Variants in UBE2E3 observed in about 807,000 individuals in gnomAD.
The protein encoded by UBE2E3 is ubiquitin conjugating enzyme E2 E3, also known as ubiquitin-conjugating enzyme E2 E3.
UBE2E3 carries 5 observed loss-of-function variants against 23.6 expected under a neutral mutation model. That is an observed-to-expected ratio of 0.21 (90% CI 0.11 to 0.44). UBE2E3 has a LOEUF of 0.44. Ranked by LOEUF, UBE2E3 falls within the 20% of genes least tolerant of loss-of-function variation. The probability of loss-of-function intolerance (pLI) is 0.99; values close to 1 mark genes in which losing one functional copy is unlikely to be tolerated. For missense variants in UBE2E3, 81 were observed against 249.8 expected, an observed-to-expected ratio of 0.32 and a Z score of 4.55; for synonymous variants, 78 against 87.5, an observed-to-expected ratio of 0.89 and a Z score of 0.60.
intron 3 of UBE2E3, among the ~76,000 whole-genome samples, chr2:181,055,623 C>G (rs1246966713): frequency 6.6e-6 from 1 of 151,760 alleles, no homozygotes; most frequent in African/African-American, 2.4e-5. Context: ...CATAGCTTCT[C>G]TGCTTAGTCT....
intron 3 of UBE2E3, among the ~76,000 whole-genome samples, chr2:181,041,342 T>C (rs980545066): frequency 1.3e-5 from 2 of 150,510 alleles, no homozygotes; most frequent in Non-Finnish European, 2.9e-5. Flanking sequence ...TGAACAGTAA[T>C]AGAAGCTTAG....
At chr2:181,035,597 C>A (rs1686245275) in intron 3 of UBE2E3, among the ~76,000 whole-genome samples, 1 of 152,158 alleles carries the variant, frequency 6.6e-6, no homozygotes, top group Admixed American at 6.5e-5. Context: ...GCTTGTTCAA[C>A]CCATGACCCG....
At chr2:180,993,543 T>A (rs1684734655) in intron 3 of UBE2E3, among the ~76,000 whole-genome samples, 1 of 152,198 alleles carries the variant, frequency 6.6e-6, no homozygotes, top group Admixed American at 6.5e-5. Context: ...ATGAATTTTG[T>A]TACCTTTTTA....
intron 3 of UBE2E3, among the ~76,000 whole-genome samples, chr2:181,013,067 T>C (rs935407816): frequency 1.3e-5 from 2 of 152,096 alleles, no homozygotes; most frequent in African/African-American, 4.8e-5. Flanking sequence ...ACTCAAGTAA[T>C]CCTCCCACCT....
intron 3 of UBE2E3, among the ~76,000 whole-genome samples, chr2:181,029,731 T>G (rs185159067): frequency 2.6e-5 from 4 of 151,030 alleles, no homozygotes; most frequent in East Asian, 1.9e-4. Flanking sequence ...TAATTGAGCT[T>G]CTTTTCTTGT....
intron 3 of UBE2E3, among the ~76,000 whole-genome samples, chr2:181,057,209 A>T (rs1210724627): frequency 6.6e-6 from 1 of 151,872 alleles, no homozygotes; most frequent in Non-Finnish European, 1.5e-5. Flanking sequence ...TGACAACATT[A>T]TAATACAAAT....
intron 3 of UBE2E3, among the ~76,000 whole-genome samples, chr2:181,038,911 TA>T (rs944801749): frequency 2.6e-5 from 4 of 152,068 alleles, no homozygotes; most frequent in Admixed American, 6.6e-5. Context: ...AAAATAATTA[TA>T]AAAAAACAGG....
chr2:181,021,296 C>T (rs1226882271), intron 3 of UBE2E3, among the ~76,000 whole-genome samples: 1 of 151,402 alleles, frequency 6.6e-6, no homozygotes, highest in Non-Finnish European at 1.5e-5. Flanking sequence ...TGTCTTTATC[C>T]GAGTGTTAAA....
intron 3 of UBE2E3, among the ~76,000 whole-genome samples, chr2:181,022,736 AAAC>A (rs1174298579): frequency 6.6e-6 from 1 of 152,006 alleles, no homozygotes; most frequent in Admixed American, 6.6e-5. Flanking sequence ...AAAAAACAAA[AAAC>A]AAAAAAAAAA....
intron 1 of UBE2E3, 44 bp downstream of exon 1, chr2:180,981,017 C>G (rs968487354): frequency 6.8e-6 from 1 of 145,992 alleles, no homozygotes; most frequent in Non-Finnish European, 1.5e-5. Context: ...GCGGCCGGGG[C>G]GGCGGCGGCG....
chr2:181,002,650 AAATT>A (rs1415448410), intron 3 of UBE2E3, among the ~76,000 whole-genome samples: 23 of 152,328 alleles, frequency 1.5e-4, no homozygotes, highest in African/African-American at 5.0e-4. Flanking sequence ...TGTAATATAA[AAATT>A]AATGAGATAT....
intron 3 of UBE2E3, among the ~76,000 whole-genome samples, chr2:181,048,591 A>T (rs1574219189): frequency 6.6e-6 from 1 of 151,994 alleles, no homozygotes; most frequent in Admixed American, 6.6e-5. Context: ...ACTAGCACAT[A>T]CCTAGGTCTG....
At position 181,034,533 on chromosome 2, in the gene UBE2E3, G is replaced by C. The variant is rs115828109; in HGVS notation, c.246-23160G>C. 3.4e-3 allele frequency among the ~76,000 whole-genome samples: 518 copies of C among 152,270 alleles called. 4 individuals are homozygous for C. The highest frequency in any genetic ancestry group is 0.012 in the African/African-American group (495 of 41,548). On this transcript the variant is annotated intron_variant, in intron 3 of 5. Transcript: ENST00000410062. ...CACACACCGGGACCTACCGTGGGGT[G>C]GGGGGAGCGGGGAGAGATAGCATTA...
intron 3 of UBE2E3, among the ~76,000 whole-genome samples, chr2:181,006,871 A>G (rs1470563476): frequency 2.0e-5 from 3 of 152,336 alleles, no homozygotes; most frequent in East Asian, 1.9e-4. Flanking sequence ...AAAGTAAGAT[A>G]CTACTAAAAT....
At chr2:181,011,530 C>G (rs1685328038) in intron 3 of UBE2E3, among the ~76,000 whole-genome samples, 1 of 152,034 alleles carries the variant, frequency 6.6e-6, no homozygotes, top group Non-Finnish European at 1.5e-5. Context: ...TATAACAAGT[C>G]CAGTACTCTT....
At chr2:181,036,146 A>ATAC (rs999592566) in intron 3 of UBE2E3, among the ~76,000 whole-genome samples, 1 of 152,200 alleles carries the variant, frequency 6.6e-6, no homozygotes, top group African/African-American at 2.4e-5. Context: ...TGGAGGACTC[A>ATAC]TACTACTTGA....
At chr2:181,001,634 A>C (rs997978055) in intron 3 of UBE2E3, among the ~76,000 whole-genome samples, 3 of 152,174 alleles carry the variant, frequency 2.0e-5, no homozygotes, top group African/African-American at 7.2e-5. Context: ...CCCTGTCAAA[A>C]CTGAAGGTAA....
chr2:181,048,156 T>C (rs1686725804), intron 3 of UBE2E3, among the ~76,000 whole-genome samples: 2 of 152,150 alleles, frequency 1.3e-5, no homozygotes, highest in Admixed American at 1.3e-4. Flanking sequence ...TCTTCCCTTA[T>C]CTCTCTAACA....
intron 3 of UBE2E3, among the ~76,000 whole-genome samples, chr2:181,023,859 C>G (rs962865811): frequency 6.6e-6 from 1 of 152,112 alleles, no homozygotes; most frequent in Non-Finnish European, 1.5e-5. Flanking sequence ...CTGGTGCCCT[C>G]CACGTAAGTT....
Sources: gnomAD v4.1 joint callset for allele counts (sites outside exome capture counted in the v4.1 genomes callset) on GRCh38, gnomAD v4.1.1 for gene constraint, MANE v1.5 for transcripts, NCBI Gene and HGNC (gene_info 2026-07-23, HGNC 2026-07-21) for gene names.